The following CADPS2 variants were observed in gnomAD, a reference collection of about 807,000 sequenced individuals.
The protein encoded by CADPS2 is calcium-dependent secretion activator 2.
In CADPS2, 93 loss-of-function variants were observed where a neutral mutation model predicts 172.5. The observed-to-expected ratio is 0.54, with a 90% CI of 0.46 to 0.64. The LOEUF is 0.64. Ranked by LOEUF, CADPS2 falls within the 30% of genes least tolerant of loss-of-function variation. The pLI is 0.00. For synonymous variants in CADPS2, 546 were observed against 555.2 expected, an observed-to-expected ratio of 0.98 and a Z score of 0.23; for missense variants, 1,420 against 1,565.9, an observed-to-expected ratio of 0.91 and a Z score of 1.57.
In CADPS2 at chr7:122,407,601, C is replaced by T. The variant is rs1247504620; in HGVS notation, c.2685G>A (p.Pro895=). 8 of 1,611,546 alleles carry T rather than the reference C, an allele frequency of 5.0e-6. No homozygotes were observed. Among genetic ancestry groups the T allele is most frequent in the Admixed American group, 1.7e-5 (1 of 59,730 alleles). The part of the protein sequence containing the change: ...VDMDTALEAQ[P]QDSWDSFPLF... The stretch of plus-strand genomic sequence containing the variant: ...GAGGAAAACTATCCCAGGAGTCTTG[C>T]GGTTGAGCCTCTAGTGCAGTGTCCA... Residue 895 remains proline (P), a synonymous_variant, in exon 20 of 30, where the codon CCG becomes CCA. Coordinates refer to ENST00000449022, the MANE Select transcript of CADPS2 (RefSeq NM_017954.11).
At chr7:122,417,823 A>C (rs973239489) in intron 17 of CADPS2, among the ~76,000 whole-genome samples, 2 of 152,174 alleles carry the variant, frequency 1.3e-5, no homozygotes, top group Non-Finnish European at 2.9e-5. Flanking sequence ...TAGAAATAAC[A>C]AATGACCTGG....
intron 8 of CADPS2, among the ~76,000 whole-genome samples, chr7:122,545,735 A>C (rs1380717410): frequency 6.6e-6 from 1 of 152,178 alleles, no homozygotes; most frequent in Non-Finnish European, 1.5e-5. Context: ...AACTAATGTC[A>C]GTGAAGAGGA....
At chr7:122,503,600 GA>G (rs1355228178) in intron 9 of CADPS2, among the ~76,000 whole-genome samples, 2 of 152,028 alleles carry the variant, frequency 1.3e-5, no homozygotes, top group Non-Finnish European at 2.9e-5. Context: ...GATGTCTTTT[GA>G]GATCTGTGGA....
intron 17 of CADPS2, among the ~76,000 whole-genome samples, chr7:122,420,519 G>T (rs1191639696): frequency 6.6e-6 from 1 of 152,246 alleles, no homozygotes; most frequent in African/African-American, 2.4e-5. Flanking sequence ...CTAAGGCCAA[G>T]AAGTTTAATG....
At position 122,885,987 on chromosome 7, in the gene CADPS2, C is replaced by A; in HGVS notation, c.339+12G>T. On this transcript the variant is annotated intron_variant, in intron 1 of 29. Coordinates refer to ENST00000449022, the MANE Select transcript of CADPS2 (RefSeq NM_017954.11). ...GAAGTGGTGGTAGGAGGCGCCCGGT[C>A]CCGCAACTCACCTTCTGCTGCCTCC... The A allele has an allele frequency of 6.3e-7, 1 of 1,597,580 alleles. No individual in the cohort carries two copies. The highest frequency in any genetic ancestry group is 1.1e-5 in the South Asian group (1 of 87,782).
intron 25 of CADPS2, among the ~76,000 whole-genome samples, chr7:122,372,721 T>A (rs535838360): frequency 1.3e-5 from 2 of 152,366 alleles, no homozygotes; most frequent in South Asian, 2.1e-4. Context: ...TATAAAAATG[T>A]CTACGACATG....
At chr7:122,414,130 G>A in intron 18 of CADPS2, 54 bp from the exon 19 acceptor site, 2 of 1,379,822 alleles carry the variant, frequency 1.4e-6, no homozygotes, top group Non-Finnish European at 1.9e-6. Context: ...TTGCCATAGT[G>A]TTACAAAACA....
At chr7:122,671,888 C>A (rs1002273990) in intron 2 of CADPS2, among the ~76,000 whole-genome samples, 2 of 152,072 alleles carry the variant, frequency 1.3e-5, no homozygotes, top group Non-Finnish European at 2.9e-5. Flanking sequence ...CATACACTTG[C>A]ATAATTTAAA....
At chr7:122,664,341 A>G (rs886187268) in intron 2 of CADPS2, among the ~76,000 whole-genome samples, 13 of 152,166 alleles carry the variant, frequency 8.5e-5, no homozygotes, top group Non-Finnish European at 1.5e-4. Context: ...TCACACACTT[A>G]TCATAACTAG....
intron 27 of CADPS2, among the ~76,000 whole-genome samples, chr7:122,347,729 G>A (rs537926249): frequency 6.6e-6 from 1 of 152,210 alleles, no homozygotes; most frequent in African/African-American, 2.4e-5. Flanking sequence ...AAAAAAGCTA[G>A]ACTGTTTTCT....
chr7:122,328,864 G>A (rs1374998200), intron 28 of CADPS2, among the ~76,000 whole-genome samples: 3 of 152,122 alleles, frequency 2.0e-5, no homozygotes, highest in Non-Finnish European at 4.4e-5. Context: ...CCAGCCCTGG[G>A]AAGGTTCAAC....
intron 12 of CADPS2, among the ~76,000 whole-genome samples, chr7:122,476,601 A>G (rs1032251481): frequency 1.3e-5 from 2 of 152,146 alleles, no homozygotes; most frequent in African/African-American, 4.8e-5. Flanking sequence ...TACTTTACAA[A>G]CAATTACCAT....
At chr7:122,676,887 C>A in intron 2 of CADPS2, 1 of 486,322 alleles carries the variant, frequency 2.1e-6, no homozygotes, top group Middle Eastern at 4.6e-4. Flanking sequence ...TCAATGGATT[C>A]TTTGTTGGCA....
chr7:122,819,422 C>T (rs1238955300), intron 1 of CADPS2, among the ~76,000 whole-genome samples: 1 of 152,140 alleles, frequency 6.6e-6, no homozygotes, highest in Non-Finnish European at 1.5e-5. Flanking sequence ...TTGGAAGCCC[C>T]CTAGACCATC....
At chr7:122,722,339 C>G (rs1195216075) in intron 2 of CADPS2, among the ~76,000 whole-genome samples, 3 of 152,006 alleles carry the variant, frequency 2.0e-5, no homozygotes, top group East Asian at 1.9e-4. Flanking sequence ...GCAACTTCAG[C>G]AAACTCTCAG....
chr7:122,491,346 T>A lies in CADPS2; in HGVS notation c.1617A>T (p.Glu539Asp). 6.2e-7 allele frequency: 1 copy of A among 1,611,614 alleles called. No individual in the cohort carries two copies. Residue 539 changes from glutamate (E) to aspartate (D), a missense_variant, in exon 10 of 30, where the codon GAA becomes GAT. Glu to Asp is a conservative substitution (Grantham distance 45). Coordinates refer to ENST00000449022, the MANE Select transcript of CADPS2 (RefSeq NM_017954.11). ...KSEPQELMQL[E>D]GYTVDYTDPH... ...GATCGGTATAATCCACAGTATAGCC[T>A]TCAAGCTGCATTAATTCTTGTGGTT...
chr7:122,456,427 G>A (rs1230850287), intron 14 of CADPS2, among the ~76,000 whole-genome samples: 2 of 151,974 alleles, frequency 1.3e-5, no homozygotes, highest in Non-Finnish European at 2.9e-5. Flanking sequence ...TCTGGGGCCT[G>A]TAGTTATTGA....
intron 1 of CADPS2, among the ~76,000 whole-genome samples, chr7:122,841,346 A>C (rs1011131798): frequency 1.9e-4 from 29 of 152,192 alleles, no homozygotes; most frequent in African/African-American, 6.8e-4. Flanking sequence ...AAATTGATGT[A>C]AAAAGTAGGA....
At position 122,474,601 on chromosome 7, in the gene CADPS2, G is replaced by A. The variant is rs186541269; in HGVS notation, c.1862-84C>T. On this transcript the variant is annotated intron_variant, in intron 12 of 29. Transcript: ENST00000449022. ...ACAAGTTGTGAAGAATACAAAATGC[G>A]TGACTCAAGCAGAAGACTACCTTTT... The A allele has an allele frequency of 3.9e-4, 502 of 1,295,336 alleles. 2 individuals carry two copies. The highest frequency in any genetic ancestry group is 1.6e-3 in the African/African-American group (107 of 68,244). 80.2% of individuals were successfully genotyped at this position (1,295,336 alleles called of 1,614,324 possible). A position where few individuals can be genotyped will look rare whatever the true frequency, so the allele number is the denominator to read the frequency against.
Sources: allele counts gnomAD v4.1 joint callset (sites outside exome capture counted in the v4.1 genomes callset), GRCh38; gene constraint gnomAD v4.1.1; transcripts MANE v1.5; gene names NCBI Gene and HGNC (gene_info 2026-07-23, HGNC 2026-07-21).